The following DNAH7 variants were observed in gnomAD, a reference collection of about 807,000 sequenced individuals.
The protein encoded by DNAH7 is dynein axonemal heavy chain 7.
A neutral mutation model predicts 444.6 loss-of-function variants in DNAH7; 397 were observed. That is an observed-to-expected ratio of 0.89 (90% CI 0.82 to 0.97). The LOEUF (loss-of-function observed/expected upper bound fraction) is 0.97. DNAH7 is among the 50% of genes least tolerant of loss of function. DNAH7 has a pLI of 0.00. For synonymous variants in DNAH7, 1,636 were observed against 1,624.4 expected (o/e 1.01, Z -0.17); for missense variants, 4,902 against 4,800.8 (o/e 1.02, Z -0.62).
chr2:195,917,639 A>C (rs1687769196), intron 24 of DNAH7, among the ~76,000 whole-genome samples: 1 of 152,128 alleles, frequency 6.6e-6, no homozygotes, highest in Admixed American at 6.5e-5. Flanking sequence ...CCCTTCTGTC[A>C]AATTCTTTTC....
At chr2:195,753,780 T>C (rs1299891039) in intron 63 of DNAH7, among the ~76,000 whole-genome samples, 1 of 152,172 alleles carries the variant, frequency 6.6e-6, no homozygotes, top group Admixed American at 6.5e-5. Context: ...AAAATAAAGA[T>C]TTCCTCACAA....
At chr2:195,821,782 T>C (rs1215908915) in intron 49 of DNAH7, among the ~76,000 whole-genome samples, 4 of 152,250 alleles carry the variant, frequency 2.6e-5, no homozygotes, top group African/African-American at 9.6e-5. Flanking sequence ...TCCACATCTC[T>C]GTATTCCCAG....
intron 10 of DNAH7, among the ~76,000 whole-genome samples, chr2:196,012,333 C>T (rs1694770412): frequency 6.6e-6 from 1 of 152,086 alleles, no homozygotes; most frequent in Non-Finnish European, 1.5e-5. Flanking sequence ...TCTGATAGGT[C>T]TGCCTTCTAG....
At chr2:195,856,420 T>C (rs1372862539) in intron 44 of DNAH7, among the ~76,000 whole-genome samples, 2 of 152,124 alleles carry the variant, frequency 1.3e-5, no homozygotes, top group Admixed American at 1.3e-4. Flanking sequence ...TATGTGGTAA[T>C]AAAAGGAATT....
At chr2:195,872,165 T>C in intron 40 of DNAH7, 85 bp downstream of exon 40, 1 of 1,095,018 alleles carries the variant, frequency 9.1e-7, no homozygotes, top group South Asian at 1.5e-5. Flanking sequence ...GCAATATAAA[T>C]TGAAGAATAT....
intron 2 of DNAH7, among the ~76,000 whole-genome samples, chr2:196,057,694 G>A (rs1697893036): frequency 6.6e-6 from 1 of 152,066 alleles, no homozygotes. Context: ...CTCTTAAAAT[G>A]TTTCAAAACA....
At chr2:195,982,107 T>G (rs1047694078) in intron 15 of DNAH7, among the ~76,000 whole-genome samples, 1 of 152,078 alleles carries the variant, frequency 6.6e-6, no homozygotes, top group Non-Finnish European at 1.5e-5. Context: ...ATTGCAGCAC[T>G]ATACAAGGAG....
rs769421953 is a variant in DNAH7 at position 195,861,906 on chromosome 2, A to C, written c.7547T>G (p.Phe2516Cys). Residue 2516 changes from phenylalanine to cysteine, a missense_variant, in exon 42 of 65, where the codon TTC becomes TGC. Transcript: ENST00000312428. ...CTCTGACATTTCAATTTCTTCCAAGAATCGTGAGGCAACTGCCTGGAGTGC... is the reference window on the plus strand; with the variant it reads ...CTCTGACATTTCAATTTCTTCCAAGCATCGTGAGGCAACTGCCTGGAGTGC... ...EDALQAVASR[F>C]LEEIEMSEEI... 4.3e-6 allele frequency: 7 copies of C among 1,613,864 alleles called. No individual in the cohort carries two copies. The highest frequency in any genetic ancestry group is 5.1e-6 in the Non-Finnish European group (6 of 1,179,892).
chr2:195,737,850 A>C lies in DNAH7; in HGVS notation c.*71T>G, dbSNP rs1438508294. On this transcript the variant is annotated 3_prime_UTR_variant, in exon 65 of 65. Coordinates refer to ENST00000312428, the MANE Select transcript of DNAH7 (RefSeq NM_018897.3). ...TTTAAACAAACAAAAAAAAAGGTTTAAGTAGTAAAATATGCTTTCTCTACT... is the reference window on the plus strand; with the variant it reads ...TTTAAACAAACAAAAAAAAAGGTTTCAGTAGTAAAATATGCTTTCTCTACT... The C allele has an allele frequency of 7.4e-7, 1 of 1,357,870 alleles. No individual in the cohort carries two copies. The highest frequency in any genetic ancestry group is 1.0e-6 in the Non-Finnish European group (1 of 986,820). 84.1% of individuals were successfully genotyped at this position (1,357,870 alleles called of 1,614,324 possible). A position where few individuals can be genotyped will look rare whatever the true frequency, so the allele number is the denominator to read the frequency against.
chr2:195,792,824 A>G (rs1440086197), intron 57 of DNAH7, among the ~76,000 whole-genome samples: 2 of 151,378 alleles, frequency 1.3e-5, no homozygotes, highest in African/African-American at 2.4e-5. Context: ...GGGAAGGGGG[A>G]GAGAGAGAGA....
chr2:195,862,491 C>T (rs1457053601), intron 41 of DNAH7, among the ~76,000 whole-genome samples: 1 of 152,120 alleles, frequency 6.6e-6, no homozygotes, highest in Non-Finnish European at 1.5e-5. Context: ...ATGTCACACT[C>T]CCCAATTTAT....
rs148464511 is a variant in DNAH7, at chr2:196,007,839, T to C, written c.989+4948A>G. Among the ~76,000 whole-genome samples, 1,080 of 152,228 alleles carry C rather than the reference T, an allele frequency of 7.1e-3. 7 individuals are homozygous for C. The highest frequency in any genetic ancestry group is 0.024 in the African/African-American group (1,015 of 41,530). On this transcript the variant is annotated intron_variant, in intron 10 of 64. Coordinates refer to ENST00000312428, the MANE Select transcript of DNAH7 (RefSeq NM_018897.3). ...CAATTCAACCTCTTTCCTTTATAAA[T>C]TACCCAGTCTCAGGTATGTCTTTAT...
rs140976714 is a variant in DNAH7, at chr2:195,990,775, T to TTGTGTGTGTGTG, written c.1354-2558_1354-2547dup. ...TGATGTTTAGGTTACTATAGCTTTG[T>TTGTGTGTGTGTG]TGTGTGTGTGTGTGTGTGTGTGTGT... is the stretch of plus-strand genomic sequence containing the variant. On this transcript the variant is annotated intron_variant, in intron 12 of 64. Transcript: ENST00000312428. 3.0e-3 allele frequency among the ~76,000 whole-genome samples: 401 copies of TTGTGTGTGTGTG among 132,934 alleles called. 3 individuals are homozygous for TTGTGTGTGTGTG. Among genetic ancestry groups the TTGTGTGTGTGTG allele is most frequent in the African/African-American group, 0.011 (382 of 34,690 alleles). The allele number at this position is 132,934 out of a possible 152,430, so 87.2% of individuals were successfully genotyped here. A position where few individuals can be genotyped will look rare whatever the true frequency, so the allele number is the denominator to read the frequency against.
intron 43 of DNAH7, 95 bp from the exon 44 acceptor site, chr2:195,857,818 A>C: frequency 4.9e-6 from 5 of 1,022,876 alleles, no homozygotes; most frequent in Non-Finnish European, 6.9e-6. Context: ...ACAGAAACTC[A>C]CTGTGTTCAC....
intron 51 of DNAH7, among the ~76,000 whole-genome samples, chr2:195,815,446 C>T (rs1697175989): frequency 6.6e-6 from 1 of 152,024 alleles, no homozygotes. Context: ...CAAAAAATTG[C>T]TAAGTCTAAG....
intron 2 of DNAH7, among the ~76,000 whole-genome samples, chr2:196,051,953 G>A (rs971608681): frequency 1.3e-5 from 2 of 152,122 alleles, no homozygotes; most frequent in Non-Finnish European, 2.9e-5. Context: ...ACATACTGGA[G>A]GCCACCCTAG....
chr2:195,845,262 C>T (rs1698917080), intron 46 of DNAH7, 97 bp from the exon 47 acceptor site: 6 of 960,644 alleles, frequency 6.2e-6, no homozygotes, highest in African/African-American at 1.7e-5. Context: ...ATTGAGTCAA[C>T]AAACCATTGT....
In DNAH7 at chr2:195,958,934, T is replaced by A. The variant is rs1690885658; in HGVS notation, c.2891+1326A>T. Among the ~76,000 whole-genome samples, 3 of 152,174 alleles carry A rather than the reference T, an allele frequency of 2.0e-5. No individual in the cohort carries two copies. The South Asian group carries it at 6.2e-4, about 31-fold the overall frequency. On this transcript the variant is annotated intron_variant, in intron 18 of 64. Transcript: ENST00000312428. The stretch of plus-strand genomic sequence containing the variant: ...GTTGTAATTACTCTGCTATCAGAGA[T>A]AACATAGTCATAAGGAAGAATGATT...
chr2:196,049,742 G>A (rs989234101), intron 3 of DNAH7, among the ~76,000 whole-genome samples: 1 of 152,142 alleles, frequency 6.6e-6, no homozygotes, highest in African/African-American at 2.4e-5. Context: ...GTCAATAAAA[G>A]CATTTTAGAT....
Sources: gnomAD v4.1 joint callset for allele counts (sites outside exome capture counted in the v4.1 genomes callset) on GRCh38, gnomAD v4.1.1 for gene constraint, MANE v1.5 for transcripts, NCBI Gene and HGNC (gene_info 2026-07-23, HGNC 2026-07-21) for gene names.